CAPN8: variants seen among roughly 807,000 people sequenced by gnomAD.
The protein encoded by CAPN8 is calpain 8.
Under a neutral mutation model 80.9 loss-of-function variants are expected in CAPN8, and 87 were observed. The ratio of observed to expected loss-of-function variants is 1.07; its 90% confidence interval spans 0.90 to 1.28. CAPN8 has a LOEUF of 1.28. CAPN8 is among the 50% of genes most tolerant of loss of function. The pLI, the probability that CAPN8 is intolerant of heterozygous loss-of-function variation, is 0.00. For missense variants in CAPN8, 757 were observed against 702.0 expected (o/e 1.08, Z -0.89); for synonymous variants, 299 against 273.8 (o/e 1.09, Z -0.91).
At chr1:223,649,377 T>A (rs1658278039) in intron 2 of CAPN8, among the ~76,000 whole-genome samples, 2 of 152,150 alleles carry the variant, frequency 1.3e-5, no homozygotes, top group Non-Finnish European at 2.9e-5. Context: ...ACTCTGAGAG[T>A]CCTGCTGGGG....
At chr1:223,656,701 T>TTG (rs1658503123) in intron 1 of CAPN8, among the ~76,000 whole-genome samples, 1 of 139,008 alleles carries the variant, frequency 7.2e-6, no homozygotes, top group African/African-American at 2.7e-5. Flanking sequence ...TTTTTTTTTT[T>TTG]GAGACGGGGT....
At position 223,656,676 on chromosome 1, in the gene CAPN8, GTTTTGTTTTTTTTT is replaced by G. The variant is rs1658500076; in HGVS notation, c.238-2291_238-2278del. On this transcript the variant is annotated intron_variant, in intron 1 of 20. Coordinates refer to ENST00000366872, the MANE Select transcript of CAPN8 (RefSeq NM_001143962.2). ...ACATACACACGTTTTGGGTTTTTTT[GTTTTGTTTTTTTTT>G]TTTTTTTTTTTGAGACGGGGTCTCG... Among the ~76,000 whole-genome samples the G allele has an allele frequency of 3.4e-5, 3 of 88,338 alleles. No homozygotes were observed. The Admixed American group carries it at 4.0e-4, about 12-fold the overall frequency. The allele number at this position is 88,338 out of a possible 152,430, so 58.0% of individuals were successfully genotyped here.
intron 16 of CAPN8, among the ~76,000 whole-genome samples, chr1:223,548,245 C>T (rs1003577269): frequency 0.011 from 961 of 87,884 alleles, 12 homozygotes; most frequent in African/African-American, 0.036. Context: ...AAGAAATCAC[C>T]TTCACCATCA....
intron 9 of CAPN8, chr1:223,618,379 AC>A: frequency 6.8e-7 from 1 of 1,480,998 alleles, no homozygotes; most frequent in Non-Finnish European, 9.2e-7. Flanking sequence ...CATGCTTTGC[AC>A]CATACTATCT....
chr1:223,640,660 C>T (rs1466368572), intron 2 of CAPN8, among the ~76,000 whole-genome samples: 1 of 152,168 alleles, frequency 6.6e-6, no homozygotes, highest in Non-Finnish European at 1.5e-5. Context: ...ATCCTCCTCC[C>T]TAACATTGCT....
At chr1:223,649,214 G>A (rs1658274518) in intron 2 of CAPN8, among the ~76,000 whole-genome samples, 1 of 152,196 alleles carries the variant, frequency 6.6e-6, no homozygotes, top group Non-Finnish European at 1.5e-5. Flanking sequence ...ACATAGAGAC[G>A]ATTCAAGTCC....
Position 223,658,106 on chromosome 1 carries a change from A to G in CAPN8, c.238-3707T>C, listed in dbSNP as rs902968380. Among the ~76,000 whole-genome samples, 4 of 152,156 alleles carry G rather than the reference A, an allele frequency of 2.6e-5. No individual in the cohort carries two copies. In the Middle Eastern group the frequency reaches 0.014, roughly 518 times the overall value. On this transcript the variant is annotated intron_variant, in intron 1 of 20. Transcript: ENST00000366872. The stretch of plus-strand genomic sequence containing the variant: ...TTATCCCATTTCATACAGCAGTAAC[A>G]CCCCTAAGCATTCTTCTCTCAGTGA...
intron 15 of CAPN8, 115 bp from the exon 16 acceptor site, chr1:223,549,497 G>C: frequency 6.7e-7 from 1 of 1,489,936 alleles, no homozygotes; most frequent in Non-Finnish European, 9.1e-7. Flanking sequence ...AACCGAACTT[G>C]GTCTCTGCCA....
At chr1:223,661,680 T>C (rs1016627250) in intron 1 of CAPN8, among the ~76,000 whole-genome samples, 2 of 151,966 alleles carry the variant, frequency 1.3e-5, no homozygotes, top group African/African-American at 4.8e-5. Flanking sequence ...TTGGCAAGGA[T>C]GTGGAGAAAT....
At chr1:223,542,560 C>A (rs1331446557) in intron 20 of CAPN8, among the ~76,000 whole-genome samples, 1 of 152,202 alleles carries the variant, frequency 6.6e-6, no homozygotes, top group Admixed American at 6.5e-5. Context: ...AATGCCTCCC[C>A]CTGCCTGGAC....
chr1:223,546,644 T>C (rs565835656), intron 16 of CAPN8, among the ~76,000 whole-genome samples: 2 of 152,244 alleles, frequency 1.3e-5, no homozygotes, highest in South Asian at 4.2e-4. Context: ...ATCCTAACAA[T>C]AGCCACACAA....
At chr1:223,631,356 C>A (rs552649460) in intron 2 of CAPN8, among the ~76,000 whole-genome samples, 1 of 152,266 alleles carries the variant, frequency 6.6e-6, no homozygotes, top group East Asian at 1.9e-4. Flanking sequence ...CCTCAAAACT[C>A]CATTCATGCA....
rs139784431 is a variant in CAPN8, at chr1:223,610,914, G to A, written c.1323+1332C>T. Among the ~76,000 whole-genome samples the A allele has an allele frequency of 2.7e-3, 410 of 152,290 alleles. 2 individuals are homozygous for A. Among genetic ancestry groups the A allele is most frequent in the African/African-American group, 9.1e-3 (377 of 41,562 alleles). ...ATGCAAATTCTCAGGCCCCACCCTA[G>A]ACTGAAAGAATCAAAAACTCCAGGA... is the stretch of plus-strand genomic sequence containing the variant. On this transcript the variant is annotated intron_variant, in intron 11 of 20. Transcript: ENST00000366872.
intron 13 of CAPN8, among the ~76,000 whole-genome samples, chr1:223,554,723 C>A (rs897539627): frequency 7.9e-5 from 12 of 152,166 alleles, no homozygotes; most frequent in Admixed American, 6.5e-5. Flanking sequence ...CAGATTGTAC[C>A]CTTACTGGAC....
At chr1:223,635,618 T>G (rs575246057) in intron 2 of CAPN8, among the ~76,000 whole-genome samples, 14 of 146,006 alleles carry the variant, frequency 9.6e-5, no homozygotes, top group African/African-American at 2.6e-4. Flanking sequence ...TTGAGTAGTC[T>G]ATCACTAGTA....
At chr1:223,647,207 G>T (rs1034895721) in intron 2 of CAPN8, among the ~76,000 whole-genome samples, 3 of 152,164 alleles carry the variant, frequency 2.0e-5, no homozygotes, top group African/African-American at 7.2e-5. Context: ...TGTAAGGCAG[G>T]ATTCTTAACC....
At position 223,557,472 on chromosome 1, in the gene CAPN8, C is replaced by T. The variant is rs1038695945; in HGVS notation, c.1572+659G>A. On this transcript the variant is annotated intron_variant, in intron 13 of 20. Coordinates refer to ENST00000366872, the MANE Select transcript of CAPN8 (RefSeq NM_001143962.2). The stretch of plus-strand genomic sequence containing the variant: ...CAGTGCCCACTGGCCACAGACACAG[C>T]ATGGCTCTCAGGGAGCAGCAGCACC... Among the ~76,000 whole-genome samples, 503 of 152,308 alleles carry T rather than the reference C, an allele frequency of 3.3e-3. 2 individuals carry two copies. Among genetic ancestry groups the T allele is most frequent in the African/African-American group, 0.012 (482 of 41,570 alleles).
chr1:223,618,680 G>A (rs1657280019), intron 9 of CAPN8, among the ~76,000 whole-genome samples: 1 of 152,246 alleles, frequency 6.6e-6, no homozygotes, highest in Non-Finnish European at 1.5e-5. Context: ...TTAGCATAAG[G>A]TGCCAAGAGC....
intron 2 of CAPN8, among the ~76,000 whole-genome samples, chr1:223,648,750 C>A (rs141900426): frequency 6.6e-6 from 1 of 152,078 alleles, no homozygotes; most frequent in Admixed American, 6.5e-5. Flanking sequence ...TCAATAAATG[C>A]AACAAAAATG....
Sources: allele counts gnomAD v4.1 joint callset (sites outside exome capture counted in the v4.1 genomes callset), GRCh38; gene constraint gnomAD v4.1.1; transcripts MANE v1.5; gene names NCBI Gene and HGNC (gene_info 2026-07-23, HGNC 2026-07-21).